Variants in TCF12 observed in about 807,000 individuals in gnomAD.
TCF12 encodes the protein transcription factor 12, also known as DNA-binding protein HTF4.
TCF12 carries 45 observed loss-of-function variants against 86.0 expected under a neutral mutation model. The observed-to-expected ratio is 0.52, with a 90% CI of 0.41 to 0.67. The LOEUF is 0.67. TCF12 is among the 30% of genes least tolerant of loss of function. TCF12 has a pLI of 0.00. For synonymous variants in TCF12, 330 were observed against 299.6 expected, an observed-to-expected ratio of 1.10 and a Z score of -1.05; for missense variants, 881 against 859.9, an observed-to-expected ratio of 1.02 and a Z score of -0.31.
At chr15:57,166,804 T>C (rs1445469346) in intron 6 of TCF12, among the ~76,000 whole-genome samples, 1 of 152,234 alleles carries the variant, frequency 6.6e-6, no homozygotes, top group Non-Finnish European at 1.5e-5. Flanking sequence ...TTGATCTGCA[T>C]AGCTTAAATA....
intron 5 of TCF12, among the ~76,000 whole-genome samples, chr15:57,142,304 T>TATAGATAG (rs60126987): frequency 0.15 from 22,161 of 149,588 alleles, 1,766 homozygotes; most frequent in Middle Eastern, 0.18. Context: ...CTCACACTTT[T>TATAGATAG]ATAGATAGAT....
intron 5 of TCF12, among the ~76,000 whole-genome samples, chr15:57,126,905 G>T (rs528025827): frequency 8.6e-5 from 13 of 151,920 alleles, no homozygotes; most frequent in Non-Finnish European, 1.8e-4. Context: ...CATGGGTAGG[G>T]TCCTTTCTTA....
intron 6 of TCF12, among the ~76,000 whole-genome samples, chr15:57,171,994 A>T (rs1375887649): frequency 6.6e-6 from 1 of 152,190 alleles, no homozygotes; most frequent in Non-Finnish European, 1.5e-5. Context: ...GAAAGTGTGA[A>T]GTTCATCTGA....
chr15:57,243,632 A>C, intron 13 of TCF12, 82 bp downstream of exon 13: 1 of 1,263,574 alleles, frequency 7.9e-7, no homozygotes, highest in Non-Finnish European at 1.1e-6. Flanking sequence ...ACAAACTTTA[A>C]TAAAAATTTG....
chr15:57,048,595 A>G (rs2067397787), intron 3 of TCF12, among the ~76,000 whole-genome samples: 1 of 152,092 alleles, frequency 6.6e-6, no homozygotes, highest in South Asian at 2.1e-4. Flanking sequence ...GTGGAGGACT[A>G]AGTCTTACTT....
At chr15:57,274,905 C>CTT (rs2061310949) in intron 19 of TCF12, among the ~76,000 whole-genome samples, 1 of 152,086 alleles carries the variant, frequency 6.6e-6, no homozygotes, top group Non-Finnish European at 1.5e-5. Context: ...TACTTCAGAT[C>CTT]TAAGCCATTA....
At chr15:57,018,292 A>C (rs1196561605) in intron 3 of TCF12, among the ~76,000 whole-genome samples, 1 of 152,164 alleles carries the variant, frequency 6.6e-6, no homozygotes. Context: ...AACATTGATT[A>C]GTGATTGGCT....
intron 6 of TCF12, among the ~76,000 whole-genome samples, chr15:57,171,012 CCCAACTCCTCTGTGTATG>C (rs570844205): frequency 1.6e-3 from 242 of 150,060 alleles, no homozygotes; most frequent in African/African-American, 5.7e-3. Context: ...CTTTAAGAAA[CCCAACTCCTCTGTGTATG>C]CCAACTCCTC....
chr15:57,137,557 T>A (rs2052640861), intron 5 of TCF12, among the ~76,000 whole-genome samples: 1 of 152,246 alleles, frequency 6.6e-6, no homozygotes, highest in African/African-American at 2.4e-5. Flanking sequence ...GTTGTAGGAT[T>A]TAATACATTT....
intron 3 of TCF12, among the ~76,000 whole-genome samples, chr15:56,969,261 G>A (rs1045088314): frequency 6.6e-5 from 10 of 152,054 alleles, no homozygotes; most frequent in Admixed American, 2.6e-4. Flanking sequence ...ATCTATTTTC[G>A]TTTCATAAAC....
chr15:57,150,415 G>T (rs2053655423), intron 5 of TCF12, among the ~76,000 whole-genome samples: 1 of 152,156 alleles, frequency 6.6e-6, no homozygotes, highest in Non-Finnish European at 1.5e-5. Context: ...TGTGTTGGTG[G>T]TGCTGAATTA....
chr15:57,054,252 A>G (rs865985549), intron 3 of TCF12, among the ~76,000 whole-genome samples: 1 of 152,192 alleles, frequency 6.6e-6, no homozygotes, highest in South Asian at 2.1e-4. Context: ...AATAATAGTA[A>G]TTGCTCACAC....
Position 57,180,198 on chromosome 15 carries a change from C to A in TCF12, c.391-11960C>A, listed in dbSNP as rs569506597. 2.6e-4 allele frequency among the ~76,000 whole-genome samples: 39 copies of A among 152,084 alleles called. No individual in the cohort carries two copies. The East Asian group carries it at 7.1e-3, about 28-fold the overall frequency. On this transcript the variant is annotated intron_variant, in intron 6 of 20. Transcript: ENST00000333725. ...ACAGAAGACTGACATATTATTAAAGCCCAACATTTATTTTTTGCCCTGAGT... is the reference window on the plus strand; with the variant it reads ...ACAGAAGACTGACATATTATTAAAGACCAACATTTATTTTTTGCCCTGAGT...
intron 6 of TCF12, among the ~76,000 whole-genome samples, chr15:57,175,355 G>A (rs1239913089): frequency 6.6e-6 from 1 of 151,904 alleles, no homozygotes. Context: ...GAGATCTTGT[G>A]TCTTAAAAAA....
downstream of TCF12, among the ~76,000 whole-genome samples, chr15:57,290,159 A>G (rs1350584426): frequency 6.6e-6 from 1 of 152,054 alleles, no homozygotes; most frequent in Non-Finnish European, 1.5e-5. Flanking sequence ...CCTGGCCAAC[A>G]TGGTAAAACC....
At chr15:57,043,385 T>C (rs1181658221) in intron 3 of TCF12, among the ~76,000 whole-genome samples, 1 of 152,176 alleles carries the variant, frequency 6.6e-6, no homozygotes, top group African/African-American at 2.4e-5. Context: ...GGCAACCGTA[T>C]CATTTTATAT....
At chr15:57,192,398 T>C in intron 7 of TCF12, 105 bp downstream of exon 7, 2 of 1,466,922 alleles carry the variant, frequency 1.4e-6, no homozygotes, top group Non-Finnish European at 1.8e-6. Context: ...TCTTTCCGTT[T>C]CTTTGTTTAA....
intron 7 of TCF12, among the ~76,000 whole-genome samples, chr15:57,195,523 G>C (rs1354192632): frequency 6.6e-6 from 1 of 152,206 alleles, no homozygotes; most frequent in African/African-American, 2.4e-5. Context: ...GAGTGTGCCA[G>C]ATGTTGTTCA....
intron 3 of TCF12, among the ~76,000 whole-genome samples, chr15:56,996,142 A>G (rs1319012894): frequency 6.6e-6 from 1 of 152,142 alleles, no homozygotes; most frequent in African/African-American, 2.4e-5. Context: ...AGCCTACTTG[A>G]TCATGGTGAA....
Sources: gnomAD v4.1 joint callset for allele counts (sites outside exome capture counted in the v4.1 genomes callset) on GRCh38, gnomAD v4.1.1 for gene constraint, MANE v1.5 for transcripts, NCBI Gene and HGNC (gene_info 2026-07-23, HGNC 2026-07-21) for gene names.